Variants in BRWD1 observed in about 807,000 individuals in gnomAD.
BRWD1 encodes the protein bromodomain and WD repeat domain containing 1.
A neutral mutation model predicts 251.2 loss-of-function variants in BRWD1; 82 were observed. The ratio of observed to expected loss-of-function variants is 0.33; its 90% CI spans 0.27 to 0.39. The LOEUF is 0.39. Ranked by LOEUF, BRWD1 falls within the 10% of genes least tolerant of loss-of-function variation. The pLI is 1.00. For synonymous variants in BRWD1, 918 were observed against 902.8 expected (o/e 1.02, Z -0.30); for missense variants, 2,233 against 2,711.6 (o/e 0.82, Z 3.92).
Position 39,293,883 on chromosome 21 carries a change from T to A in BRWD1, c.759A>T (p.Arg253Ser). The A allele has an allele frequency of 6.2e-7, 1 of 1,614,154 alleles. No homozygotes were observed. The highest frequency in any genetic ancestry group is 8.5e-7 in the Non-Finnish European group (1 of 1,180,030). ...GGGCACAAGTTCTCAAGCACCACACTCTAATAATTTTATCACAGCTCCCCG... is the reference window on the plus strand; with the variant it reads ...GGGCACAAGTTCTCAAGCACCACACACTAATAATTTTATCACAGCTCCCCG... ...IAAGSCDKIIRVWCLRTCAPV... is the reference protein window; with the variant it reads ...IAAGSCDKIISVWCLRTCAPV... The change falls in exon 8 of 41, where the codon AGA becomes AGT. Residue 253 changes from arginine (R) to serine (S), a missense_variant. This residue lies in a region of BRWD1 where 185 missense variants were observed against 260.6 expected (regional missense o/e 0.71). Coordinates refer to ENST00000342449, the MANE Select transcript of BRWD1 (RefSeq NM_033656.4).
rs2032158114 is a variant in BRWD1, at chr21:39,202,443, G to A, written c.4467C>T (p.Thr1489=). 2.5e-6 allele frequency: 4 copies of A among 1,613,754 alleles called. No individual in the cohort carries two copies. The South Asian group carries it at 4.4e-5, about 18-fold the overall frequency. The change falls in exon 38 of 41, where the codon ACC becomes ACT. Residue 1489 remains threonine, a synonymous_variant. Transcript: ENST00000342449. ...AAGAGATACCAGCACTTGTCTTGTGGGTTCCAAGATAAGCTGTCCTACTTG... is the reference window on the plus strand; with the variant it reads ...AAGAGATACCAGCACTTGTCTTGTGAGTTCCAAGATAAGCTGTCCTACTTG... ...STSSRTAYLG[T]HKTSAGISSG... is the part of the protein sequence containing the mutation.
At chr21:39,282,944 A>G (rs1035967252) in intron 8 of BRWD1, among the ~76,000 whole-genome samples, 1 of 144,524 alleles carries the variant, frequency 6.9e-6, no homozygotes, top group African/African-American at 2.6e-5. Context: ...GGGCAACAAG[A>G]GCGGAACTCC....
At position 39,193,392 on chromosome 21, in the gene BRWD1, A is replaced by G; in HGVS notation, c.*2867T>C. The G allele has an allele frequency of 1.0e-6, 1 of 984,876 alleles. No homozygotes were observed. The highest frequency in any genetic ancestry group is 1.2e-6 in the Non-Finnish European group (1 of 829,436). 61.0% of individuals were successfully genotyped at this position (984,876 alleles called of 1,614,324 possible). ...TCCTTTTATTCATAAGTTACTTCAC[A>G]TTGTAAGTATACCTTTTTAAATAAG... On this transcript the variant is annotated 3_prime_UTR_variant, in exon 41 of 41. Transcript: ENST00000342449.
At chr21:39,215,582 A>C (rs1041529891) in intron 31 of BRWD1, among the ~76,000 whole-genome samples, 1 of 152,228 alleles carries the variant, frequency 6.6e-6, no homozygotes, top group Non-Finnish European at 1.5e-5. Flanking sequence ...AAAAATCTTA[A>C]CAAATTACTT....
intron 15 of BRWD1, among the ~76,000 whole-genome samples, chr21:39,266,324 T>G (rs1449349089): frequency 1.3e-5 from 2 of 152,234 alleles, no homozygotes; most frequent in African/African-American, 4.8e-5. Flanking sequence ...TATATTTTTT[T>G]TCCTCCAACT....
chr21:39,259,170 CCCAAG>C (rs1473382799), intron 17 of BRWD1, among the ~76,000 whole-genome samples: 1 of 152,140 alleles, frequency 6.6e-6, no homozygotes, highest in Non-Finnish European at 1.5e-5. Context: ...CTCCCTCTGC[CCCAAG>C]AGTCCTCGGA....
chr21:39,274,255 A>T, intron 13 of BRWD1, 119 bp downstream of exon 13: 2 of 740,516 alleles, frequency 2.7e-6, no homozygotes, highest in South Asian at 1.6e-5. Flanking sequence ...TCGTAATAGA[A>T]GGTAGCTATA....
chr21:39,222,622 T>C (rs1035862598), intron 29 of BRWD1, among the ~76,000 whole-genome samples: 2 of 152,190 alleles, frequency 1.3e-5, no homozygotes, highest in African/African-American at 4.8e-5. Flanking sequence ...TTCACAAAAA[T>C]CTGAGTACAT....
intron 4 of BRWD1, among the ~76,000 whole-genome samples, chr21:39,304,675 C>A (rs950922614): frequency 6.6e-6 from 1 of 151,606 alleles, no homozygotes; most frequent in East Asian, 1.9e-4. Context: ...TAAAACTACA[C>A]GCTGTTTACG....
intron 17 of BRWD1, among the ~76,000 whole-genome samples, chr21:39,260,497 T>C (rs180977161): frequency 1.1e-3 from 171 of 152,310 alleles, no homozygotes; most frequent in Non-Finnish European, 1.8e-3. Flanking sequence ...TATCAGAATG[T>C]TAACTGTCTC....
intron 37 of BRWD1, 35 bp from the exon 38 acceptor site, chr21:39,202,580 AACAAAAT>A (rs2032166077): frequency 6.9e-7 from 1 of 1,442,998 alleles, no homozygotes; most frequent in Middle Eastern, 1.8e-4. Flanking sequence ...AACAGTATTT[AACAAAAT>A]ACAAAGATAA....
At chr21:39,254,481 C>T (rs1205615449) in intron 19 of BRWD1, among the ~76,000 whole-genome samples, 1 of 152,068 alleles carries the variant, frequency 6.6e-6, no homozygotes, top group Admixed American at 6.6e-5. Context: ...TAAAGAATAT[C>T]AGAAATAAGT....
rs759795647 is a variant in BRWD1, at chr21:39,196,864, A to G, written c.6205T>C (p.Phe2069Leu). Residue 2069 changes from phenylalanine (F) to leucine (L), a missense_variant, in exon 41 of 41, where the codon TTT becomes CTT. Physicochemically the swap from Phe to Leu is conservative, Grantham distance 22. Coordinates refer to ENST00000342449, the MANE Select transcript of BRWD1 (RefSeq NM_033656.4). ...TGTGCCAAGGTTGACTCTGAAGAAA[A>G]TGTCCTATCAGTCTCACTCCCTGGA... ...HIPGSETDRT[F>L]SSESTLAQKA... is the part of the protein sequence containing the mutation. The G allele has an allele frequency of 1.9e-6, 3 of 1,613,808 alleles. No homozygotes were observed. The South Asian group carries it at 3.3e-5, about 18-fold the overall frequency.
At chr21:39,211,990 A>T (rs1484524039) in intron 34 of BRWD1, among the ~76,000 whole-genome samples, 1 of 152,110 alleles carries the variant, frequency 6.6e-6, no homozygotes, top group Non-Finnish European at 1.5e-5. Context: ...ACTTTCATAA[A>T]CTTAGTTCCA....
At chr21:39,197,582 T>C (rs62222988) in intron 40 of BRWD1, among the ~76,000 whole-genome samples, 167 bp from the exon 41 acceptor site, 54,097 of 152,116 alleles carry the variant, frequency 0.36, 10,182 homozygotes, top group Admixed American at 0.43. Flanking sequence ...ACAGCAAGGA[T>C]ACGTTCTGAG....
intron 5 of BRWD1, 192 bp from the exon 6 acceptor site, chr21:39,296,555 G>A (rs1040140993): frequency 8.2e-7 from 1 of 1,224,588 alleles, no homozygotes; most frequent in Non-Finnish European, 1.0e-6. Flanking sequence ...CTCAGATACA[G>A]CAGCAACAAC....
At chr21:39,276,138 T>C (rs560208773) in intron 12 of BRWD1, 35 bp downstream of exon 12, 2 of 1,552,502 alleles carry the variant, frequency 1.3e-6, no homozygotes, top group South Asian at 1.2e-5. Flanking sequence ...ATTTGCCTAA[T>C]AACACACACA....
Position 39,195,979 on chromosome 21 carries a change from T to C in BRWD1, c.*280A>G. 1 of 1,090,952 alleles carries C rather than the reference T, an allele frequency of 9.2e-7. No individual in the cohort carries two copies. Among genetic ancestry groups the C allele is most frequent in the Non-Finnish European group, 1.1e-6 (1 of 899,098 alleles). The allele number at this position is 1,090,952 out of a possible 1,614,324, so 67.6% of individuals were successfully genotyped here. ...TGGTTTTGATAACCAGGATGTCTAGTGTTTAACATATTTCAAACTCTTGCT... is the reference window on the plus strand; with the variant it reads ...TGGTTTTGATAACCAGGATGTCTAGCGTTTAACATATTTCAAACTCTTGCT... On this transcript the variant is annotated 3_prime_UTR_variant, in exon 41 of 41. Transcript: ENST00000342449.
chr21:39,319,706 G>A (rs2036730293), intron 1 of BRWD1, among the ~76,000 whole-genome samples: 1 of 152,124 alleles, frequency 6.6e-6, no homozygotes. Context: ...GAAGCTCGCT[G>A]AACAATGCCC....
Sources: allele counts gnomAD v4.1 joint callset (sites outside exome capture counted in the v4.1 genomes callset), GRCh38; gene constraint gnomAD v4.1.1; regional missense constraint gnomAD v4.1.1; transcripts MANE v1.5; gene names NCBI Gene and HGNC (gene_info 2026-07-23, HGNC 2026-07-21).